The following OTUD7A variants were observed in gnomAD, a reference collection of about 807,000 sequenced individuals.
The protein encoded by OTUD7A is OTU domain-containing protein 7A.
Under a neutral mutation model 65.7 loss-of-function variants are expected in OTUD7A, and 12 were observed. The observed-to-expected ratio is 0.18, with a 90% CI of 0.12 to 0.30. The LOEUF (loss-of-function observed/expected upper bound fraction) is 0.30, where lower values mean the gene tolerates loss of function less well. OTUD7A is among the 10% of genes least tolerant of loss of function. OTUD7A has a pLI of 1.00. For synonymous variants in OTUD7A, 641 were observed against 586.3 expected, an observed-to-expected ratio of 1.09 and a Z score of -1.35; for missense variants, 1,148 against 1,304.8, an observed-to-expected ratio of 0.88 and a Z score of 1.85.
intron 1 of OTUD7A, among the ~76,000 whole-genome samples, chr15:31,803,957 G>T (rs1490164260): frequency 2.6e-5 from 4 of 152,206 alleles, no homozygotes; most frequent in Admixed American, 2.6e-4. Flanking sequence ...TCAAGGTGAT[G>T]ATACCAGATG....
At chr15:31,764,151 A>G (rs970015493) in intron 1 of OTUD7A, among the ~76,000 whole-genome samples, 2 of 152,202 alleles carry the variant, frequency 1.3e-5, no homozygotes, top group African/African-American at 4.8e-5. Context: ...TTTGTTACAA[A>G]ACCCCAAATA....
chr15:31,574,960 G>C (rs1889159978), intron 3 of OTUD7A, among the ~76,000 whole-genome samples: 1 of 152,086 alleles, frequency 6.6e-6, no homozygotes. Flanking sequence ...CCCTCAACCA[G>C]CTTAGCCTGC....
At chr15:31,550,816 T>G (rs1281799855) in intron 5 of OTUD7A, among the ~76,000 whole-genome samples, 1 of 152,222 alleles carries the variant, frequency 6.6e-6, no homozygotes, top group Non-Finnish European at 1.5e-5. Context: ...TCATTTCACA[T>G]GTGTATCCTG....
At chr15:31,799,006 T>A (rs960279922) in intron 1 of OTUD7A, among the ~76,000 whole-genome samples, 1 of 151,990 alleles carries the variant, frequency 6.6e-6, no homozygotes, top group African/African-American at 2.4e-5. Flanking sequence ...GGGGCCAGGG[T>A]GGAGAGGGCC....
At chr15:31,722,327 A>C (rs1381854777) in intron 1 of OTUD7A, among the ~76,000 whole-genome samples, 1 of 152,220 alleles carries the variant, frequency 6.6e-6, no homozygotes, top group Non-Finnish European at 1.5e-5. Context: ...CAAGCTGTCC[A>C]GGTCTACACA....
intron 3 of OTUD7A, among the ~76,000 whole-genome samples, chr15:31,604,724 G>A (rs1595648157): frequency 1.3e-5 from 2 of 152,350 alleles, no homozygotes; most frequent in South Asian, 4.1e-4. Flanking sequence ...GGCCAGAGAA[G>A]TGGGTCAGAG....
At chr15:31,526,876 C>A (rs1246623052) in intron 7 of OTUD7A, among the ~76,000 whole-genome samples, 1 of 152,148 alleles carries the variant, frequency 6.6e-6, no homozygotes, top group Admixed American at 6.6e-5. Flanking sequence ...TGACAGCAGG[C>A]AGTCATATAT....
chr15:31,483,281 C>A lies in OTUD7A; in HGVS notation c.*13G>T. 1 of 1,098,454 alleles carries A rather than the reference C, an allele frequency of 9.1e-7. No individual in the cohort carries two copies. The highest frequency in any genetic ancestry group is 1.1e-6 in the Non-Finnish European group (1 of 904,494). 68.0% of individuals were successfully genotyped at this position (1,098,454 alleles called of 1,614,324 possible). ...GAAGGTAGAACCTCGCCGCCCGCGC[C>A]GCGCCGCGCCGCTCAGGGCCGGGCC... is the stretch of plus-strand genomic sequence containing the variant. On this transcript the variant is annotated 3_prime_UTR_variant, in exon 13 of 13. Transcript: ENST00000307050.
chr15:31,730,832 G>A (rs1271116859), intron 1 of OTUD7A, among the ~76,000 whole-genome samples: 1 of 152,204 alleles, frequency 6.6e-6, no homozygotes, highest in African/African-American at 2.4e-5. Flanking sequence ...GCCCCACATG[G>A]TCTACAGGAG....
chr15:31,500,903 T>G (rs2041457124), intron 10 of OTUD7A, among the ~76,000 whole-genome samples: 1 of 151,538 alleles, frequency 6.6e-6, no homozygotes, highest in African/African-American at 2.4e-5. Context: ...CAGGAAGGGG[T>G]TTCCTCTCCA....
intron 1 of OTUD7A, among the ~76,000 whole-genome samples, chr15:31,671,345 T>A (rs1206228748): frequency 6.6e-6 from 1 of 152,230 alleles, no homozygotes; most frequent in Admixed American, 6.5e-5. Flanking sequence ...TCCCCATTGC[T>A]TGTTTTTGTC....
At chr15:31,750,272 G>A (rs1164705299) in intron 1 of OTUD7A, among the ~76,000 whole-genome samples, 1 of 151,932 alleles carries the variant, frequency 6.6e-6, no homozygotes. Context: ...GCTGGGTGTG[G>A]TGGCAGGCAC....
At chr15:31,604,860 C>A (rs1038596691) in intron 3 of OTUD7A, among the ~76,000 whole-genome samples, 1 of 152,162 alleles carries the variant, frequency 6.6e-6, no homozygotes, top group Non-Finnish European at 1.5e-5. Context: ...CACCTCTGTG[C>A]CCTGGAGTCC....
chr15:31,804,640 G>A (rs953496005), intron 1 of OTUD7A, among the ~76,000 whole-genome samples: 3 of 152,168 alleles, frequency 2.0e-5, no homozygotes, highest in Non-Finnish European at 4.4e-5. Context: ...TTGTGCTGGG[G>A]AGGGGTGGGG....
At chr15:31,631,512 G>A (rs1324579434) in intron 3 of OTUD7A, among the ~76,000 whole-genome samples, 7 of 152,116 alleles carry the variant, frequency 4.6e-5, no homozygotes, top group Non-Finnish European at 1.0e-4. Context: ...CTCTCTGTCT[G>A]CGCTTAACAT....
intron 8 of OTUD7A, among the ~76,000 whole-genome samples, chr15:31,512,377 G>C (rs1358360573): frequency 7.2e-5 from 11 of 152,154 alleles, no homozygotes; most frequent in African/African-American, 2.7e-4. Context: ...ATCCCCATAC[G>C]GGTCACCAAA....
intron 1 of OTUD7A, among the ~76,000 whole-genome samples, chr15:31,694,122 G>A (rs1893019972): frequency 6.6e-6 from 1 of 152,198 alleles, no homozygotes; most frequent in African/African-American, 2.4e-5. Context: ...GGTGCCATGT[G>A]ACCTTAGTGA....
At chr15:31,825,888 T>C (rs1378394894) in intron 1 of OTUD7A, among the ~76,000 whole-genome samples, 3 of 152,138 alleles carry the variant, frequency 2.0e-5, no homozygotes, top group African/African-American at 7.2e-5. Flanking sequence ...ATCTTAAAGC[T>C]CCAAAATGAT....
intron 5 of OTUD7A, among the ~76,000 whole-genome samples, chr15:31,548,068 C>T (rs200623058): frequency 1.3e-5 from 1 of 74,566 alleles, no homozygotes. Flanking sequence ...CTGTACGTAC[C>T]ATATACTCCT....
Sources: gnomAD v4.1 joint callset for allele counts (sites outside exome capture counted in the v4.1 genomes callset) on GRCh38, gnomAD v4.1.1 for gene constraint, MANE v1.5 for transcripts, NCBI Gene and HGNC (gene_info 2026-07-23, HGNC 2026-07-21) for gene names.